The following TENM3 variants were observed in gnomAD, a reference collection of about 807,000 sequenced individuals.
TENM3 encodes the protein teneurin transmembrane protein 3, also known as teneurin-3.
Under a neutral mutation model 255.1 loss-of-function variants are expected in TENM3, and 63 were observed. The observed-to-expected ratio is 0.25, with a 90% CI of 0.20 to 0.30. The LOEUF (loss-of-function observed/expected upper bound fraction) is 0.30. Among genes scored for constraint, TENM3 ranks in the 10% least tolerant of loss-of-function variants. The pLI is 1.00. For synonymous variants in TENM3, 1,306 were observed against 1,322.3 expected (o/e 0.99, Z 0.27); for missense variants, 2,929 against 3,461.1 (o/e 0.85, Z 3.86).
At chr4:182,401,085 A>G (rs572732685) in intron 3 of TENM3, among the ~76,000 whole-genome samples, 3 of 152,228 alleles carry the variant, frequency 2.0e-5, no homozygotes, top group South Asian at 4.1e-4. Flanking sequence ...TGGACTCAGA[A>G]TACATTAACA....
the TENM3 span, among the ~76,000 whole-genome samples, chr4:181,780,272 A>G: frequency 6.6e-6 from 1 of 152,204 alleles, no homozygotes; most frequent in African/African-American, 2.4e-5. Context: ...AAGTGTTCCT[A>G]TTTCTCCACA....
intron 19 of TENM3, among the ~76,000 whole-genome samples, chr4:182,750,259 T>A (rs775034740): frequency 6.6e-6 from 1 of 152,236 alleles, no homozygotes; most frequent in Non-Finnish European, 1.5e-5. Flanking sequence ...TTACACACTC[T>A]AAGATGTCTT....
At chr4:182,025,090 G>A in the TENM3 span, among the ~76,000 whole-genome samples, 14 of 148,148 alleles carry the variant, frequency 9.5e-5, no homozygotes, top group Admixed American at 8.1e-4. Flanking sequence ...GTGCAGTGGC[G>A]CGACCTCGGC....
chr4:181,782,202 T>C, the TENM3 span, among the ~76,000 whole-genome samples: 1 of 152,142 alleles, frequency 6.6e-6, no homozygotes, highest in East Asian at 1.9e-4. Context: ...ATGGTAGCAG[T>C]TCCTCCTCGT....
the TENM3 span, among the ~76,000 whole-genome samples, chr4:181,523,857 C>T: frequency 1.3e-5 from 2 of 152,186 alleles, no homozygotes; most frequent in African/African-American, 2.4e-5. Context: ...AGAAAACCAT[C>T]CTACAGGATT....
At chr4:182,106,026 G>A in the TENM3 span, among the ~76,000 whole-genome samples, 2 of 152,160 alleles carry the variant, frequency 1.3e-5, no homozygotes, top group African/African-American at 4.8e-5. Flanking sequence ...CTTCGGGATG[G>A]CTAGCCTTCA....
intron 7 of TENM3, among the ~76,000 whole-genome samples, chr4:182,676,437 T>A (rs1269341488): frequency 6.6e-6 from 1 of 152,076 alleles, no homozygotes; most frequent in Admixed American, 6.5e-5. Context: ...TCTCTGAGCC[T>A]TAGTGTCCAT....
chr4:182,387,937 CA>C (rs5864781), intron 3 of TENM3, among the ~76,000 whole-genome samples: 11,929 of 136,246 alleles, frequency 0.088, 1,099 homozygotes, highest in African/African-American at 0.24. Flanking sequence ...GTGATAATTG[CA>C]AAAAAAAAAA....
intron 1 of TENM3, among the ~76,000 whole-genome samples, chr4:182,218,008 G>A (rs747700230): frequency 1.2e-4 from 18 of 152,292 alleles, no homozygotes; most frequent in South Asian, 8.3e-4. Flanking sequence ...ATGAAAAACC[G>A]AGTAACAGTT....
At chr4:182,448,306 G>T (rs1289331367) in intron 3 of TENM3, among the ~76,000 whole-genome samples, 7 of 152,188 alleles carry the variant, frequency 4.6e-5, no homozygotes, top group Non-Finnish European at 7.3e-5. Flanking sequence ...TCCCTGCTGC[G>T]TTCACGAGCG....
rs1341749507 is a variant in TENM3 at position 182,800,966 on chromosome 4, A to G, written c.*615A>G. On this transcript the variant is annotated 3_prime_UTR_variant, in exon 28 of 28. Coordinates refer to ENST00000511685, the MANE Select transcript of TENM3 (RefSeq NM_001080477.4). ...GGCAACTAGAATCCTTGTCACTGAT[A>G]AGCAAAGGAAATCCTGATTTTTTTG... 1 of 152,692 alleles carries G rather than the reference A, an allele frequency of 6.5e-6. No individual in the cohort carries two copies. The highest frequency in any genetic ancestry group is 1.5e-5 in the Non-Finnish European group (1 of 68,050). 9.5% of individuals were successfully genotyped at this position (152,692 alleles called of 1,614,324 possible).
At chr4:181,873,327 C>T in the TENM3 span, among the ~76,000 whole-genome samples, 2 of 152,132 alleles carry the variant, frequency 1.3e-5, no homozygotes, top group African/African-American at 4.8e-5. Context: ...CCTCAGCCTC[C>T]CAGAGTGCTG....
At chr4:182,361,887 G>A in intron 3 of TENM3, among the ~76,000 whole-genome samples, 1 of 152,136 alleles carries the variant, frequency 6.6e-6, no homozygotes, top group Non-Finnish European at 1.5e-5. Flanking sequence ...ATGTACAGAT[G>A]GGTTTTTGGT....
chr4:182,531,950 C>T (rs570025609), intron 3 of TENM3, among the ~76,000 whole-genome samples: 4 of 152,278 alleles, frequency 2.6e-5, no homozygotes, highest in East Asian at 1.9e-4. Context: ...ACACCAGCCA[C>T]GGCTAGCCTT....
intron 1 of TENM3, among the ~76,000 whole-genome samples, chr4:182,186,584 T>C (rs1468578244): frequency 6.6e-6 from 1 of 150,848 alleles, no homozygotes; most frequent in African/African-American, 2.4e-5. Flanking sequence ...TGTTAAACCA[T>C]GTCTATATGC....
chr4:182,042,109 C>T, the TENM3 span, among the ~76,000 whole-genome samples: 6 of 152,102 alleles, frequency 3.9e-5, no homozygotes, highest in East Asian at 1.9e-4. Flanking sequence ...TGCACACACA[C>T]GTGCTTTCCC....
At chr4:182,730,857 G>A (rs1453189410) in intron 15 of TENM3, 21 bp from the exon 16 acceptor site, 1 of 1,612,278 alleles carries the variant, frequency 6.2e-7, no homozygotes. Context: ...AATTCACTAA[G>A]CATACCTTGT....
intron 1 of TENM3, among the ~76,000 whole-genome samples, chr4:182,160,235 C>T (rs929831842): frequency 6.6e-6 from 1 of 151,726 alleles, no homozygotes; most frequent in East Asian, 1.9e-4. Context: ...ATCTCCTGAC[C>T]TCGTGATCCG....
the TENM3 span, among the ~76,000 whole-genome samples, chr4:181,634,973 A>G: frequency 2.0e-5 from 3 of 152,168 alleles, no homozygotes; most frequent in Admixed American, 2.0e-4. Flanking sequence ...AGGGGATTTC[A>G]TAAGAAGCAG....
Sources: gnomAD v4.1 joint callset for allele counts (sites outside exome capture counted in the v4.1 genomes callset) on GRCh38, gnomAD v4.1.1 for gene constraint, MANE v1.5 for transcripts, NCBI Gene and HGNC (gene_info 2026-07-23, HGNC 2026-07-21) for gene names.